ANK3: variants seen among roughly 807,000 people sequenced by gnomAD.
The protein encoded by ANK3 is ankyrin-3.
Under a neutral mutation model 370.9 loss-of-function variants are expected in ANK3, and 57 were observed. The observed-to-expected ratio is 0.15, with a 90% CI of 0.12 to 0.19. ANK3 has a LOEUF of 0.19. Among genes scored for constraint, ANK3 ranks in the 10% least tolerant of loss-of-function variants. The pLI is 1.00. For synonymous variants in ANK3, 1,929 were observed against 1,946.3 expected (o/e 0.99, Z 0.23); for missense variants, 4,439 against 5,302.1 (o/e 0.84, Z 5.06).
chr10:60,700,278 C>T (rs2079528784), intron 1 of ANK3, among the ~76,000 whole-genome samples: 1 of 152,122 alleles, frequency 6.6e-6, no homozygotes, highest in Non-Finnish European at 1.5e-5. Context: ...TCTCAATTTT[C>T]CTGCTTATTA....
chr10:60,597,177 C>G (rs1035517714), intron 2 of ANK3, among the ~76,000 whole-genome samples: 1 of 152,040 alleles, frequency 6.6e-6, no homozygotes, highest in African/African-American at 2.4e-5. Context: ...GACTACAAAC[C>G]AAAAGCTCAT....
At chr10:60,521,792 T>C (rs2076353743) in intron 2 of ANK3, among the ~76,000 whole-genome samples, 1 of 152,126 alleles carries the variant, frequency 6.6e-6, no homozygotes, top group Non-Finnish European at 1.5e-5. Context: ...TTAAAGGCCA[T>C]CCTACCCCAA....
rs1837949 is a variant in ANK3 at position 60,685,064 on chromosome 10, T to G, written c.57+48199A>C. On this transcript the variant is annotated intron_variant, in intron 1 of 43. Transcript: ENST00000373827. ...CTTGAGAAACTGCATGATATGATCA[T>G]TAAAGAAAAGATGAATATCAATACC... The G allele has an allele frequency of 1.2e-5, 16 of 1,338,498 alleles. No individual in the cohort carries two copies. The South Asian group carries it at 1.8e-4, about 15-fold the overall frequency. The allele number at this position is 1,338,498 out of a possible 1,614,324, so 82.9% of individuals were successfully genotyped here.
chr10:60,235,895 C>A (rs1348250496), intron 7 of ANK3, among the ~76,000 whole-genome samples: 1 of 152,178 alleles, frequency 6.6e-6, no homozygotes, highest in African/African-American at 2.4e-5. Flanking sequence ...TCATTTAATT[C>A]TCACAATCCT....
Position 60,075,234 on chromosome 10 carries a change from C to G in ANK3, c.5647G>C (p.Ala1883Pro), listed in dbSNP as rs2083512409. The change falls in exon 37 of 44, where the codon GCA becomes CCA. Residue 1883 changes from alanine to proline, a missense_variant. Physicochemically the swap from Ala to Pro is conservative, Grantham distance 27. Around this residue, in one of 13 missense-constraint regions of ANK3, gnomAD observed 679 missense variants for 791.0 expected, o/e 0.86. Transcript: ENST00000280772. ...GTAGACAACTTAAGGGCAGAGGGTG[C>G]AAGGAACAAAGATGACTTAACTGGA... Reference protein sequence around the residue: ...SSPVKSSLFLAPSALKLSTPS... With the variant: ...SSPVKSSLFLPPSALKLSTPS... The G allele has an allele frequency of 1.2e-6, 2 of 1,614,022 alleles. No homozygotes were observed. Among genetic ancestry groups the G allele is most frequent in the Non-Finnish European group, 1.7e-6 (2 of 1,179,978 alleles).
In ANK3 at chr10:60,469,197, G is replaced by GTA. The variant is rs376710731; in HGVS notation, c.96+145987_96+145988dup. 1.6e-3 allele frequency among the ~76,000 whole-genome samples: 37 copies of GTA among 22,772 alleles called. 2 individuals carry two copies. The highest frequency in any genetic ancestry group is 3.6e-3 in the East Asian group (2 of 548). 14.9% of individuals were successfully genotyped at this position (22,772 alleles called of 152,430 possible). On this transcript the variant is annotated intron_variant, in intron 2 of 43. Coordinates refer to the ANK3 transcript ENST00000373827. ...TATATATATATACACCACTTTTAGT[G>GTA]TATATATATATACCACTTTTAGTGC... is the stretch of plus-strand genomic sequence containing the variant.
At chr10:60,443,243 A>G (rs151131547) in intron 2 of ANK3, among the ~76,000 whole-genome samples, 23 of 152,268 alleles carry the variant, frequency 1.5e-4, no homozygotes, top group African/African-American at 5.1e-4. Context: ...GTTTAAGCAG[A>G]AAAACATAAA....
chr10:60,722,051 T>C (rs568335108), intron 1 of ANK3, among the ~76,000 whole-genome samples: 3 of 152,124 alleles, frequency 2.0e-5, no homozygotes, highest in African/African-American at 7.2e-5. Flanking sequence ...GGCTGATCAG[T>C]TATACACATT....
At chr10:60,569,859 T>G (rs1258126756) in intron 2 of ANK3, among the ~76,000 whole-genome samples, 1 of 152,202 alleles carries the variant, frequency 6.6e-6, no homozygotes, top group Non-Finnish European at 1.5e-5. Flanking sequence ...GGAAATATTT[T>G]GAATGCTTGG....
intron 2 of ANK3, among the ~76,000 whole-genome samples, chr10:60,533,133 C>T (rs908578334): frequency 6.6e-6 from 1 of 152,136 alleles, no homozygotes; most frequent in African/African-American, 2.4e-5. Context: ...CTGCCCCAGA[C>T]CCTTGCTGCT....
At chr10:60,409,667 C>T (rs117822532) in intron 2 of ANK3, among the ~76,000 whole-genome samples, 141 of 152,244 alleles carry the variant, frequency 9.3e-4, no homozygotes, top group Middle Eastern at 3.4e-3. Flanking sequence ...TCCTCTCCCA[C>T]TCTGTACTCT....
intron 2 of ANK3, among the ~76,000 whole-genome samples, chr10:60,446,765 C>G (rs1045377597): frequency 6.6e-6 from 1 of 152,080 alleles, no homozygotes; most frequent in Non-Finnish European, 1.5e-5. Flanking sequence ...TAGGATACTA[C>G]AAGATATTTT....
intron 2 of ANK3, among the ~76,000 whole-genome samples, chr10:60,548,634 T>C (rs1236915777): frequency 6.6e-6 from 1 of 152,268 alleles, no homozygotes; most frequent in African/African-American, 2.4e-5. Flanking sequence ...CAGACTTAAG[T>C]AGTTAAATAT....
At chr10:60,580,873 A>C (rs1352693669) in intron 2 of ANK3, among the ~76,000 whole-genome samples, 1 of 152,214 alleles carries the variant, frequency 6.6e-6, no homozygotes, top group Non-Finnish European at 1.5e-5. Context: ...GAAATGAACT[A>C]CAAGCTTGCT....
chr10:60,109,694 A>G (rs922313128), intron 26 of ANK3, among the ~76,000 whole-genome samples: 1 of 152,218 alleles, frequency 6.6e-6, no homozygotes, highest in African/African-American at 2.4e-5. Context: ...TATTTTATAC[A>G]ATGATTAAAA....
At chr10:60,365,030 T>C (rs1475670699) in intron 1 of ANK3, among the ~76,000 whole-genome samples, 2 of 139,248 alleles carry the variant, frequency 1.4e-5, no homozygotes, top group Non-Finnish European at 3.2e-5. Flanking sequence ...AGACTTTAAA[T>C]TCCAAGTCAA....
At chr10:60,444,594 C>A (rs950914119) in intron 2 of ANK3, among the ~76,000 whole-genome samples, 2 of 152,042 alleles carry the variant, frequency 1.3e-5, no homozygotes, top group African/African-American at 4.8e-5. Flanking sequence ...TAAATCCTTT[C>A]ATCTAAAATA....
At chr10:60,417,863 CA>C (rs1211428272) in intron 2 of ANK3, among the ~76,000 whole-genome samples, 1 of 152,132 alleles carries the variant, frequency 6.6e-6, no homozygotes, top group Non-Finnish European at 1.5e-5. Context: ...GACACACTAT[CA>C]AGATAATCAC....
rs2096640820 is a variant in ANK3 at position 60,199,530 on chromosome 10, G to A, written c.1491+599C>T. The stretch of plus-strand genomic sequence containing the variant: ...CTAGAGACTGCAGACTTGTGCAAAT[G>A]TATATTTACATATTGTAGGTTGAAA... On this transcript the variant is annotated intron_variant, in intron 13 of 43. Coordinates refer to ENST00000280772, the MANE Select transcript of ANK3 (RefSeq NM_020987.5). 2.0e-5 allele frequency among the ~76,000 whole-genome samples: 3 copies of A among 152,150 alleles called. No homozygotes were observed. The South Asian group carries it at 6.2e-4, about 32-fold the overall frequency.
Sources: allele counts gnomAD v4.1 joint callset (sites outside exome capture counted in the v4.1 genomes callset), GRCh38; gene constraint gnomAD v4.1.1; regional missense constraint gnomAD v4.1.1; transcripts MANE v1.5; gene names NCBI Gene and HGNC (gene_info 2026-07-23, HGNC 2026-07-21).